The following PRELID2 variants were observed in gnomAD, a reference collection of about 807,000 sequenced individuals.
PRELID2 encodes PRELI domain-containing protein 2.
Under a neutral mutation model 28.4 loss-of-function variants are expected in PRELID2, and 25 were observed. The ratio of observed to expected loss-of-function variants is 0.88; its 90% CI spans 0.64 to 1.23. The LOEUF (loss-of-function observed/expected upper bound fraction) is 1.23, where lower values mean the gene tolerates loss of function less well. Among genes scored for constraint, PRELID2 ranks in the 50% most tolerant of loss-of-function variants. The probability of loss-of-function intolerance (pLI) is 0.00; values close to 1 mark genes in which losing one functional copy is unlikely to be tolerated. For missense variants in PRELID2, 201 were observed against 214.4 expected, an observed-to-expected ratio of 0.94 and a Z score of 0.39; for synonymous variants, 76 against 71.6, an observed-to-expected ratio of 1.06 and a Z score of -0.31.
At chr5:145,402,542 G>A in the PRELID2 span, among the ~76,000 whole-genome samples, 1 of 152,174 alleles carries the variant, frequency 6.6e-6, no homozygotes, top group Non-Finnish European at 1.5e-5. Context: ...CTGTGCTGTA[G>A]AGCAGGTCTC....
intron 1 of PRELID2, among the ~76,000 whole-genome samples, chr5:145,522,826 A>G (rs1445754738): frequency 1.3e-5 from 2 of 151,892 alleles, no homozygotes; most frequent in African/African-American, 4.8e-5. Context: ...GAGGAGTAGG[A>G]GAAGAAGAAG....
rs745309247 is a variant in PRELID2, at chr5:145,627,097, C to CAAAAAAAAA, written n.70+137825_70+137833dup. ...CCTGGGTGACAGAGTAAGACTCTCC[C>CAAAAAAAAA]AAAAAAAAAAAAAAAAAAAAAAAAA... On this transcript the variant is annotated intron_variant and non_coding_transcript_variant, in intron 1 of 2. Coordinates refer to the PRELID2 transcript ENST00000510259. Among the ~76,000 whole-genome samples, 28 of 41,824 alleles carry CAAAAAAAAA rather than the reference C, an allele frequency of 6.7e-4. 4 individuals carry two copies. Among genetic ancestry groups the CAAAAAAAAA allele is most frequent in the Non-Finnish European group, 9.8e-4 (21 of 21,402 alleles). 27.4% of individuals were successfully genotyped at this position (41,824 alleles called of 152,430 possible). A position where few individuals can be genotyped will look rare whatever the true frequency, so the allele number is the denominator to read the frequency against.
the PRELID2 span, among the ~76,000 whole-genome samples, chr5:145,436,619 G>T: frequency 2.0e-5 from 3 of 151,884 alleles, no homozygotes; most frequent in South Asian, 4.1e-4. Context: ...TGTTTTTTAC[G>T]TTTTAATAAT....
At chr5:145,763,620 T>C (rs1757583816) in intron 6 of PRELID2, among the ~76,000 whole-genome samples, 1 of 152,216 alleles carries the variant, frequency 6.6e-6, no homozygotes, top group African/African-American at 2.4e-5. Context: ...TCTTTTTGGT[T>C]AACTGCTCTC....
At chr5:145,657,533 A>C (rs1242946185) in intron 1 of PRELID2, among the ~76,000 whole-genome samples, 1 of 152,040 alleles carries the variant, frequency 6.6e-6, no homozygotes, top group African/African-American at 2.4e-5. Flanking sequence ...AAAATGCAAA[A>C]AATTAGCCGG....
the PRELID2 span, among the ~76,000 whole-genome samples, chr5:145,269,849 T>A: frequency 2.4e-3 from 356 of 148,406 alleles, 1 homozygote; most frequent in African/African-American, 8.6e-3. Flanking sequence ...GACTGAGAAA[T>A]TCAATTTTAT....
chr5:145,451,666 C>T, the PRELID2 span, among the ~76,000 whole-genome samples: 1 of 152,132 alleles, frequency 6.6e-6, no homozygotes, highest in East Asian at 1.9e-4. Flanking sequence ...CTTAGGGGGA[C>T]AGATTAAAAT....
intron 1 of PRELID2, among the ~76,000 whole-genome samples, chr5:145,578,788 C>T (rs1315841309): frequency 6.6e-6 from 1 of 152,036 alleles, no homozygotes; most frequent in Non-Finnish European, 1.5e-5. Flanking sequence ...ATACTATGCA[C>T]TGAATACACA....
intron 1 of PRELID2, among the ~76,000 whole-genome samples, chr5:145,650,704 C>A (rs113968315): frequency 0.035 from 5,270 of 151,048 alleles, 276 homozygotes; most frequent in African/African-American, 0.12. Flanking sequence ...AGGAAAAAAA[C>A]CTAGAACCTG....
intron 1 of PRELID2, among the ~76,000 whole-genome samples, chr5:145,526,575 C>T (rs956006049): frequency 1.3e-5 from 2 of 152,042 alleles, no homozygotes; most frequent in African/African-American, 4.8e-5. Context: ...GAATTTCAAG[C>T]AGGAAAATTA....
chr5:145,453,123 G>A, the PRELID2 span, among the ~76,000 whole-genome samples: 1 of 152,274 alleles, frequency 6.6e-6, no homozygotes, highest in African/African-American at 2.4e-5. Flanking sequence ...CTGAGCTATA[G>A]GCATATGACT....
At chr5:145,783,687 T>C (rs892159623) in intron 5 of PRELID2, among the ~76,000 whole-genome samples, 5 of 152,216 alleles carry the variant, frequency 3.3e-5, no homozygotes, top group African/African-American at 9.6e-5. Context: ...AGTTTTTTCA[T>C]GTGGTTCAAG....
intron 1 of PRELID2, among the ~76,000 whole-genome samples, chr5:145,597,069 A>G (rs1753317718): frequency 6.6e-6 from 1 of 152,216 alleles, no homozygotes. Flanking sequence ...ACCTTGCTGA[A>G]CATAAGTAAT....
intron 1 of PRELID2, among the ~76,000 whole-genome samples, chr5:145,528,764 C>T (rs1752632068): frequency 6.6e-6 from 1 of 151,812 alleles, no homozygotes; most frequent in African/African-American, 2.4e-5. Flanking sequence ...AAGTCACTCT[C>T]ACTCACACAC....
the PRELID2 span, among the ~76,000 whole-genome samples, chr5:145,374,790 T>C: frequency 6.6e-6 from 1 of 152,178 alleles, no homozygotes; most frequent in Non-Finnish European, 1.5e-5. Flanking sequence ...GATACTTGTA[T>C]ATGTTTCATG....
chr5:145,537,526 A>T (rs1244303071), intron 1 of PRELID2, among the ~76,000 whole-genome samples: 1 of 151,802 alleles, frequency 6.6e-6, no homozygotes. Flanking sequence ...AACAGGAACT[A>T]GGTAGTATCT....
At chr5:145,800,078 G>A (rs746105697) in intron 4 of PRELID2, among the ~76,000 whole-genome samples, 2 of 152,042 alleles carry the variant, frequency 1.3e-5, no homozygotes, top group Admixed American at 6.6e-5. Flanking sequence ...GTTGGCATGT[G>A]TTTATATGCA....
chr5:145,258,799 A>G, the PRELID2 span, among the ~76,000 whole-genome samples: 55 of 152,188 alleles, frequency 3.6e-4, no homozygotes, highest in Non-Finnish European at 5.7e-4. Flanking sequence ...AGAAATTTGC[A>G]TAAGTAAAAA....
At position 145,473,420 on chromosome 5, in the gene PRELID2, T is replaced by TATC. The variant is rs548308711; in HGVS notation, n.71-108_71-106dup. On this transcript the variant is annotated intron_variant and non_coding_transcript_variant, in intron 1 of 2. Coordinates refer to the PRELID2 transcript ENST00000510259. ...ACACATAGGATTCCAAAGCAGTAGT[T>TATC]ATCATCATCATCATCTTATTATTAT... The TATC allele has an allele frequency of 1.8e-4, 28 of 152,278 alleles. No individual in the cohort carries two copies. The East Asian group carries it at 5.4e-3, about 29-fold the overall frequency. 9.4% of individuals were successfully genotyped at this position (152,278 alleles called of 1,614,324 possible).
Sources: gnomAD v4.1 joint callset for allele counts (sites outside exome capture counted in the v4.1 genomes callset) on GRCh38, gnomAD v4.1.1 for gene constraint, MANE v1.5 for transcripts, NCBI Gene and HGNC (gene_info 2026-07-23, HGNC 2026-07-21) for gene names.